Variants in SH3KBP1 observed in about 807,000 individuals in gnomAD.
SH3KBP1 encodes the protein SH3 domain containing kinase binding protein 1.
A neutral mutation model predicts 50.1 loss-of-function variants in SH3KBP1; 8 were observed. The observed-to-expected ratio is 0.16, with a 90% CI of 0.09 to 0.29. The LOEUF is 0.29. SH3KBP1 is among the 10% of genes least tolerant of loss of function. The pLI is 1.00. For missense variants in SH3KBP1, 377 were observed against 535.2 expected (o/e 0.70, Z 2.92); for synonymous variants, 227 against 218.6 (o/e 1.04, Z -0.34).
chrX:19,745,858 A>G (rs1398054398), intron 3 of SH3KBP1, among the ~76,000 whole-genome samples: 1 of 112,774 alleles, frequency 8.9e-6, no homozygotes, highest in Non-Finnish European at 1.9e-5. Context: ...TGTGTTAGCT[A>G]TATCTTTGCA....
At chrX:19,685,542 AGG>A (rs1457610753) in intron 5 of SH3KBP1, among the ~76,000 whole-genome samples, 1 of 111,687 alleles carries the variant, frequency 9.0e-6, no homozygotes, top group Admixed American at 9.5e-5. Context: ...GCCCACAACA[AGG>A]GGGTCGGCTG....
chrX:19,552,176 A>T (rs932493331), intron 13 of SH3KBP1, among the ~76,000 whole-genome samples: 7 of 112,417 alleles, frequency 6.2e-5, no homozygotes, highest in African/African-American at 1.9e-4. Flanking sequence ...CACTGCAATT[A>T]ATCAATCCCA....
chrX:19,739,408 T>G (rs970211880), intron 3 of SH3KBP1, among the ~76,000 whole-genome samples: 2 of 111,434 alleles, frequency 1.8e-5, no homozygotes, highest in African/African-American at 6.5e-5. Context: ...TATTGCTCCT[T>G]TGAGGAAAAA....
At chrX:19,672,150 T>C (rs1484270439) in intron 6 of SH3KBP1, among the ~76,000 whole-genome samples, 1 of 111,681 alleles carries the variant, frequency 9.0e-6, no homozygotes, top group African/African-American at 3.3e-5. Flanking sequence ...AGGTAGTAAA[T>C]GACAAATATA....
chrX:19,767,419 TA>T (rs1410516290), intron 2 of SH3KBP1, among the ~76,000 whole-genome samples: 1 of 112,800 alleles, frequency 8.9e-6, no homozygotes, highest in Non-Finnish European at 1.9e-5. Context: ...TGATTTTCTT[TA>T]TTTATAAGGA....
chrX:19,566,479 A>G (rs1384719284), intron 13 of SH3KBP1, among the ~76,000 whole-genome samples: 1 of 111,713 alleles, frequency 9.0e-6, no homozygotes, highest in East Asian at 2.8e-4. Context: ...AGGAGGGAGA[A>G]TACCTCCCTT....
chrX:19,886,620 G>A (rs187474044), intron 1 of SH3KBP1, among the ~76,000 whole-genome samples: 1 of 111,722 alleles, frequency 9.0e-6, no homozygotes, highest in African/African-American at 3.3e-5. Flanking sequence ...CCCAGACCCT[G>A]AAGACTTAAA....
intron 8 of SH3KBP1, among the ~76,000 whole-genome samples, chrX:19,617,336 TTACTC>T (rs2067648607): frequency 8.9e-6 from 1 of 112,370 alleles, no homozygotes; most frequent in Non-Finnish European, 1.9e-5. Context: ...TAATTACCCT[TTACTC>T]TATAATAGCC....
Position 19,851,001 on chromosome X carries a change from C to T in SH3KBP1, c.5-14719G>A, listed in dbSNP as rs1208760386. On this transcript the variant is annotated intron_variant, in intron 1 of 17. Transcript: ENST00000397821. ...GAATCCCCTGTGAAACTTTCTCATG[C>T]CTGTCTCCTCCACACCCTGGTTCCC... 3.6e-5 allele frequency among the ~76,000 whole-genome samples: 4 copies of T among 111,379 alleles called. No individual in the cohort carries two copies. The Admixed American group carries it at 3.8e-4, about 11-fold the overall frequency.
chrX:19,725,727 G>A (rs990892326), intron 3 of SH3KBP1, among the ~76,000 whole-genome samples: 2 of 111,514 alleles, frequency 1.8e-5, no homozygotes, highest in African/African-American at 3.3e-5. Context: ...AATGAAGAGA[G>A]GTCCCCTGCA....
At chrX:19,858,258 C>A (rs746550655) in intron 1 of SH3KBP1, among the ~76,000 whole-genome samples, 186 of 110,792 alleles carry the variant, frequency 1.7e-3, no homozygotes, top group African/African-American at 5.7e-3. Context: ...GAAACAAAAG[C>A]CAGAAAAGTA....
intron 1 of SH3KBP1, among the ~76,000 whole-genome samples, chrX:19,865,154 A>T (rs2068872575): frequency 1.8e-5 from 2 of 112,680 alleles, no homozygotes; most frequent in Non-Finnish European, 3.7e-5. Flanking sequence ...AATGGAAGTT[A>T]GGCCTATTCT....
At chrX:19,719,833 G>A (rs1469863254) in intron 3 of SH3KBP1, among the ~76,000 whole-genome samples, 1 of 104,248 alleles carries the variant, frequency 9.6e-6, no homozygotes, top group African/African-American at 3.6e-5. Context: ...GCAACATAGT[G>A]AGACCCCACC....
At chrX:19,781,257 A>G (rs1166434735) in intron 2 of SH3KBP1, among the ~76,000 whole-genome samples, 1 of 111,512 alleles carries the variant, frequency 9.0e-6, no homozygotes, top group African/African-American at 3.3e-5. Context: ...TGCATTTCTA[A>G]CAGGCTCCAG....
chrX:19,856,951 C>CTTGTT (rs2068660579), intron 1 of SH3KBP1, among the ~76,000 whole-genome samples: 1 of 20,037 alleles, frequency 5.0e-5, no homozygotes, highest in Non-Finnish European at 1.0e-4. Flanking sequence ...TAATACTAGT[C>CTTGTT]TTTTTTTTTT....
At chrX:19,703,706 G>C (rs1041403092) in intron 4 of SH3KBP1, among the ~76,000 whole-genome samples, 3 of 63,485 alleles carry the variant, frequency 4.7e-5, no homozygotes, top group African/African-American at 2.5e-4. Flanking sequence ...CTGTGTGTGT[G>C]TGTGTGTGTG....
chrX:19,585,690 C>CCAG (rs760758680), intron 12 of SH3KBP1, among the ~76,000 whole-genome samples: 20,667 of 108,648 alleles, frequency 0.19, 1,709 homozygotes, highest in African/African-American at 0.25. Flanking sequence ...ACCACCACTA[C>CCAG]CAGCAGCAGC....
chrX:19,690,200 C>T (rs1181413895), intron 5 of SH3KBP1, among the ~76,000 whole-genome samples: 4 of 110,158 alleles, frequency 3.6e-5, no homozygotes, highest in Admixed American at 2.9e-4. Flanking sequence ...TCTGGGACCA[C>T]AGGCAGATGC....
At position 19,534,665 on chromosome X, in the gene SH3KBP1, A is replaced by T. The variant is rs1322944627; in HGVS notation, c.*1752T>A. ...GCACACTGAACCCGAGGCTGCTGAA[A>T]AGGCAATATATCCAGGGATGGGAAT... On this transcript the variant is annotated 3_prime_UTR_variant, in exon 18 of 18. Coordinates refer to ENST00000397821, the MANE Select transcript of SH3KBP1 (RefSeq NM_031892.3). 3.5e-6 allele frequency: 1 copy of T among 286,721 alleles called. No individual in the cohort carries two copies. The highest frequency in any genetic ancestry group is 6.1e-6 in the Non-Finnish European group (1 of 164,888). 23.6% of individuals were successfully genotyped at this position (286,721 alleles called of 1,213,427 possible).
Sources: allele counts gnomAD v4.1 joint callset (sites outside exome capture counted in the v4.1 genomes callset), GRCh38; gene constraint gnomAD v4.1.1; transcripts MANE v1.5; gene names NCBI Gene and HGNC (gene_info 2026-07-23, HGNC 2026-07-21).